DYRK1A: variants seen among roughly 807,000 people sequenced by gnomAD.
DYRK1A encodes the protein dual specificity tyrosine-phosphorylation-regulated kinase 1A.
A neutral mutation model predicts 79.7 loss-of-function variants in DYRK1A; 9 were observed. The ratio of observed to expected loss-of-function variants is 0.11; its 90% confidence interval spans 0.07 to 0.20. DYRK1A has a LOEUF of 0.20. Among genes scored for constraint, DYRK1A ranks in the 10% least tolerant of loss-of-function variants. The pLI, the probability that DYRK1A is intolerant of heterozygous loss-of-function variation, is 1.00. For missense variants in DYRK1A, 622 were observed against 956.0 expected (o/e 0.65, Z 4.61); for synonymous variants, 349 against 329.7 (o/e 1.06, Z -0.63).
chr21:37,393,768 G>A (rs1434796637), intron 1 of DYRK1A, among the ~76,000 whole-genome samples: 1 of 152,156 alleles, frequency 6.6e-6, no homozygotes, highest in African/African-American at 2.4e-5. Context: ...TCCATCCCAC[G>A]TGGCATCTGC....
chr21:37,501,334 C>A (rs957744216), intron 9 of DYRK1A: 1 of 152,130 alleles, frequency 6.6e-6, no homozygotes, highest in African/African-American at 2.4e-5. Flanking sequence ...CCACACCCAG[C>A]TAATTTTTGT....
At chr21:37,463,163 TTGTGTGTGCA>T (rs1342246037) in intron 2 of DYRK1A, among the ~76,000 whole-genome samples, 6 of 146,930 alleles carry the variant, frequency 4.1e-5, no homozygotes, top group East Asian at 2.1e-4. Context: ...GTTGACAAGC[TTGTGTGTGCA>T]TGTGTGTGTG....
intron 2 of DYRK1A, among the ~76,000 whole-genome samples, chr21:37,467,982 G>A (rs1189994395): frequency 6.6e-6 from 1 of 152,082 alleles, no homozygotes; most frequent in Admixed American, 6.5e-5. Context: ...CCATCATTGC[G>A]GAAAATTCTG....
intron 2 of DYRK1A, among the ~76,000 whole-genome samples, chr21:37,452,335 G>A (rs1361715531): frequency 6.8e-6 from 1 of 147,166 alleles, no homozygotes; most frequent in Non-Finnish European, 1.5e-5. Context: ...GTCACAGAAT[G>A]TAGTTAGATT....
chr21:37,462,934 A>T (rs965568468), intron 2 of DYRK1A, among the ~76,000 whole-genome samples: 1 of 152,158 alleles, frequency 6.6e-6, no homozygotes, highest in Non-Finnish European at 1.5e-5. Flanking sequence ...TGAATGAGGG[A>T]GTCTGGTACC....
At chr21:37,384,052 ATG>A (rs968907274) in intron 1 of DYRK1A, among the ~76,000 whole-genome samples, 1 of 152,180 alleles carries the variant, frequency 6.6e-6, no homozygotes, top group African/African-American at 2.4e-5. Context: ...ACCAAGTGAG[ATG>A]AGCCCTGTGA....
intron 1 of DYRK1A, among the ~76,000 whole-genome samples, 164 bp downstream of exon 1, chr21:37,367,792 G>A (rs985119366): frequency 2.6e-5 from 4 of 151,082 alleles, no homozygotes; most frequent in African/African-American, 9.7e-5. Context: ...GGGAGCCTCA[G>A]GCCGGGTCCC....
chr21:37,407,685 A>G (rs1280678217), intron 1 of DYRK1A, among the ~76,000 whole-genome samples: 1 of 152,248 alleles, frequency 6.6e-6, no homozygotes. Flanking sequence ...TGTATAATTC[A>G]TCTCTTAGAT....
At chr21:37,444,474 T>TG (rs1158111917) in intron 2 of DYRK1A, among the ~76,000 whole-genome samples, 3 of 152,206 alleles carry the variant, frequency 2.0e-5, no homozygotes, top group Admixed American at 2.0e-4. Flanking sequence ...AAGCCTTCAC[T>TG]GGGTATCAGG....
At chr21:37,453,754 A>G (rs1283319600) in intron 2 of DYRK1A, among the ~76,000 whole-genome samples, 1 of 152,174 alleles carries the variant, frequency 6.6e-6, no homozygotes, top group Non-Finnish European at 1.5e-5. Flanking sequence ...GTTGAGGGTC[A>G]TTTTTAAAGT....
chr21:37,418,791 G>A (rs1211881647), intron 1 of DYRK1A: 1 of 152,204 alleles, frequency 6.6e-6, no homozygotes, highest in Non-Finnish European at 1.5e-5. Context: ...ATACCAGCTA[G>A]TTGTAGGTCT....
At chr21:37,452,561 T>C (rs991558910) in intron 2 of DYRK1A, among the ~76,000 whole-genome samples, 1 of 152,152 alleles carries the variant, frequency 6.6e-6, no homozygotes, top group African/African-American at 2.4e-5. Context: ...ATCTTTTCTA[T>C]AGCAGTGAGT....
At position 37,505,369 on chromosome 21, in the gene DYRK1A, A is replaced by C. The variant is rs774257220; in HGVS notation, c.1299A>C (p.Ser433=). 1 of 1,614,076 alleles carries C rather than the reference A, an allele frequency of 6.2e-7. No homozygotes were observed. The highest frequency in any genetic ancestry group is 1.3e-5 in the African/African-American group (1 of 74,926). ...CTGGTGGGCGACGTGCTGGGGAGTC[A>C]GGTCATACGGTCGCTGACTACTTGA... ...GGPGGRRAGE[S]GHTVADYLKF... The change falls in exon 10 of 12, where the codon TCA becomes TCC. Residue 433 remains serine, a synonymous_variant. Transcript: ENST00000647188.
chr21:37,487,041 C>T (rs530033258), intron 6 of DYRK1A: 1 of 152,870 alleles, frequency 6.5e-6, no homozygotes, highest in South Asian at 2.1e-4. Context: ...AGGCTCCTCC[C>T]CAGTCTCTTC....
intron 6 of DYRK1A, chr21:37,488,317 G>A (rs1407396278): frequency 1.0e-6 from 1 of 964,632 alleles, no homozygotes; most frequent in East Asian, 1.1e-4. Flanking sequence ...GATTAGACAA[G>A]TTCATATCAA....
intron 2 of DYRK1A, among the ~76,000 whole-genome samples, chr21:37,422,297 G>C (rs1274832131): frequency 4.6e-5 from 7 of 152,070 alleles, no homozygotes; most frequent in Admixed American, 3.9e-4. Context: ...AATTGTTTTT[G>C]AACATAAAAT....
rs911617604 is a variant in DYRK1A at position 37,517,870 on chromosome 21, T to A, written c.*5339T>A. The A allele has an allele frequency of 1.3e-5, 2 of 152,204 alleles. No homozygotes were observed. Among genetic ancestry groups the A allele is most frequent in the African/African-American group, 4.8e-5 (2 of 41,436 alleles). The allele number at this position is 152,204 out of a possible 1,614,324, so 9.4% of individuals were successfully genotyped here. A position where few individuals can be genotyped will look rare whatever the true frequency, so the allele number is the denominator to read the frequency against. ...ATGAAAGAAAATACCTCTAGTGGCA[T>A]GAAACGGCTAAGTTTTTTTTAATGT... On this transcript the variant is annotated 3_prime_UTR_variant, in exon 12 of 12. Coordinates refer to ENST00000647188, the MANE Select transcript of DYRK1A (RefSeq NM_001347721.2).
At chr21:37,378,575 G>A (rs2049594937) in intron 1 of DYRK1A, among the ~76,000 whole-genome samples, 2 of 152,096 alleles carry the variant, frequency 1.3e-5, no homozygotes, top group African/African-American at 2.4e-5. Flanking sequence ...CCTTTATTTC[G>A]TTACTCTGTT....
At chr21:37,432,544 A>G (rs1415976702) in intron 2 of DYRK1A, among the ~76,000 whole-genome samples, 1 of 152,208 alleles carries the variant, frequency 6.6e-6, no homozygotes, top group African/African-American at 2.4e-5. Context: ...TTTCCAAATA[A>G]GATGGCTTCA....
Sources: gnomAD v4.1 joint callset for allele counts (sites outside exome capture counted in the v4.1 genomes callset) on GRCh38, gnomAD v4.1.1 for gene constraint, MANE v1.5 for transcripts, NCBI Gene and HGNC (gene_info 2026-07-23, HGNC 2026-07-21) for gene names.